Variants in TEAD1 observed in about 807,000 individuals in gnomAD.
TEAD1 encodes the protein transcriptional enhancer factor TEF-1.
A neutral mutation model predicts 54.9 loss-of-function variants in TEAD1; 9 were observed. The ratio of observed to expected loss-of-function variants is 0.16; its 90% CI spans 0.10 to 0.29. The LOEUF is 0.29. TEAD1 is among the 10% of genes least tolerant of loss of function. The probability of loss-of-function intolerance (pLI) is 1.00; values close to 1 mark genes in which losing one functional copy is unlikely to be tolerated. For synonymous variants in TEAD1, 200 were observed against 187.8 expected, an observed-to-expected ratio of 1.07 and a Z score of -0.53; for missense variants, 387 against 535.9, an observed-to-expected ratio of 0.72 and a Z score of 2.74.
chr11:12,758,080 G>A (rs1945020849), intron 2 of TEAD1, among the ~76,000 whole-genome samples: 1 of 152,064 alleles, frequency 6.6e-6, no homozygotes. Context: ...CATGCCTGGA[G>A]GTTCATTCTT....
chr11:12,778,207 T>G (rs1159479140), intron 3 of TEAD1, among the ~76,000 whole-genome samples: 1 of 152,184 alleles, frequency 6.6e-6, no homozygotes, highest in East Asian at 1.9e-4. Flanking sequence ...GTTGATTATA[T>G]TTAATCATGA....
chr11:12,762,380 C>T (rs1198604734), intron 2 of TEAD1, among the ~76,000 whole-genome samples: 2 of 152,114 alleles, frequency 1.3e-5, no homozygotes, highest in East Asian at 1.9e-4. Context: ...ACTCTTAGAT[C>T]GTAACGAAAA....
intron 2 of TEAD1, among the ~76,000 whole-genome samples, chr11:12,712,227 CTTA>C (rs1197934318): frequency 1.3e-5 from 2 of 152,184 alleles, no homozygotes; most frequent in African/African-American, 4.8e-5. Flanking sequence ...ATTTGAGCTT[CTTA>C]TTGGAGCAAA....
chr11:12,794,898 G>A (rs1429144086), intron 3 of TEAD1, among the ~76,000 whole-genome samples: 1 of 152,206 alleles, frequency 6.6e-6, no homozygotes, highest in East Asian at 1.9e-4. Context: ...GACAAGGAAA[G>A]GAAATCCATC....
In TEAD1 at chr11:12,883,037, C is replaced by T; in HGVS notation, c.611C>T (p.Pro204Leu). The change falls in exon 9 of 13, where the codon CCT becomes CTT. Residue 204 changes from proline to leucine, a missense_variant. By Grantham distance (98) the Pro-to-Leu change is moderately conservative (BLOSUM62 -3). This residue lies in a region of TEAD1 where 180 missense variants were observed against 180.6 expected (regional missense o/e 1.00). Transcript: ENST00000527636. ...GCATCGGCCCCAGCTCCCTCAGTCC[C>T]TGCCTGGCAAGGTCGCTCCATTGGC... The T allele has an allele frequency of 1.2e-6, 2 of 1,614,178 alleles. No individual in the cohort carries two copies. Among genetic ancestry groups the T allele is most frequent in the Non-Finnish European group, 1.7e-6 (2 of 1,180,032 alleles).
chr11:12,778,112 A>G (rs539361320), intron 3 of TEAD1, among the ~76,000 whole-genome samples: 1 of 152,210 alleles, frequency 6.6e-6, no homozygotes. Flanking sequence ...AATAGCTACT[A>G]TTATCTTACA....
At chr11:12,893,567 C>T (rs1468653990) in intron 9 of TEAD1, among the ~76,000 whole-genome samples, 7 of 152,302 alleles carry the variant, frequency 4.6e-5, no homozygotes, top group African/African-American at 1.2e-4. Context: ...TTGGCAGGTC[C>T]GCACCCCACG....
intron 2 of TEAD1, among the ~76,000 whole-genome samples, chr11:12,676,694 T>C (rs1297851581): frequency 6.6e-6 from 1 of 152,226 alleles, no homozygotes; most frequent in Non-Finnish European, 1.5e-5. Flanking sequence ...AGGTTTTGAA[T>C]TGTTGAATTT....
At chr11:12,792,630 A>C (rs776820646) in intron 3 of TEAD1, among the ~76,000 whole-genome samples, 1 of 152,188 alleles carries the variant, frequency 6.6e-6, no homozygotes, top group African/African-American at 2.4e-5. Context: ...AACTCTGTGC[A>C]AGTTCCCCAA....
intron 3 of TEAD1, among the ~76,000 whole-genome samples, chr11:12,788,276 A>G (rs780965756): frequency 1.3e-5 from 2 of 151,772 alleles, no homozygotes; most frequent in Non-Finnish European, 2.9e-5. Context: ...AGCTGGGACT[A>G]CAGAGCTACC....
chr11:12,897,466 G>GGA (rs1948334592), intron 9 of TEAD1, among the ~76,000 whole-genome samples: 1 of 152,202 alleles, frequency 6.6e-6, no homozygotes, highest in African/African-American at 2.4e-5. Flanking sequence ...TGAATGAAGG[G>GGA]GAGAGGGTGG....
intron 3 of TEAD1, among the ~76,000 whole-genome samples, chr11:12,791,531 C>T (rs960451805): frequency 6.6e-6 from 1 of 152,124 alleles, no homozygotes; most frequent in African/African-American, 2.4e-5. Flanking sequence ...GGTTTTGTGA[C>T]TAAGATACCT....
chr11:12,675,643 C>T (rs187468128), intron 2 of TEAD1, 82 bp downstream of exon 2: 1 of 152,312 alleles, frequency 6.6e-6, no homozygotes, highest in East Asian at 1.9e-4. Context: ...CACTTCTAGT[C>T]TTTGTTCGTA....
intron 3 of TEAD1, among the ~76,000 whole-genome samples, chr11:12,794,704 C>T (rs570751567): frequency 5.2e-4 from 79 of 152,340 alleles, no homozygotes; most frequent in African/African-American, 4.8e-5. Flanking sequence ...TCATAATGAG[C>T]AGAGCTGCTC....
At chr11:12,902,855 T>C (rs560104779) in intron 10 of TEAD1, among the ~76,000 whole-genome samples, 14 of 152,170 alleles carry the variant, frequency 9.2e-5, no homozygotes, top group Admixed American at 8.5e-4. Flanking sequence ...AGATGGACTT[T>C]CTGCTCCTTT....
rs560196902 is a variant in TEAD1 at position 12,713,875 on chromosome 11, A to G, written c.-55+38314A>G. ...ATCACATCTCCATACTAATGTCCCA[A>G]TATATTTGTTCCTGGCCTCACTTCT... is the stretch of plus-strand genomic sequence containing the variant. On this transcript the variant is annotated intron_variant, in intron 2 of 12. Coordinates refer to ENST00000527636, the MANE Select transcript of TEAD1 (RefSeq NM_021961.6). 6.6e-5 allele frequency among the ~76,000 whole-genome samples: 10 copies of G among 152,220 alleles called. No homozygotes were observed. In the East Asian group the frequency reaches 1.7e-3, roughly 26 times the overall value.
intron 5 of TEAD1, among the ~76,000 whole-genome samples, chr11:12,876,477 C>A (rs576084894): frequency 6.6e-6 from 1 of 152,092 alleles, no homozygotes; most frequent in Non-Finnish European, 1.5e-5. Flanking sequence ...ATTTCAAATA[C>A]GTGGAACTCT....
At chr11:12,742,482 GT>G (rs373440701) in intron 2 of TEAD1, among the ~76,000 whole-genome samples, 78 of 152,238 alleles carry the variant, frequency 5.1e-4, no homozygotes, top group African/African-American at 1.8e-3. Context: ...AGTGTGCAAA[GT>G]TTCTCTTAGG....
intron 3 of TEAD1, among the ~76,000 whole-genome samples, chr11:12,831,335 T>C (rs905291315): frequency 6.6e-6 from 1 of 152,208 alleles, no homozygotes; most frequent in African/African-American, 2.4e-5. Flanking sequence ...CTTCTTTCCC[T>C]GAATTCCCCC....
Sources: allele counts gnomAD v4.1 joint callset (sites outside exome capture counted in the v4.1 genomes callset), GRCh38; gene constraint gnomAD v4.1.1; regional missense constraint gnomAD v4.1.1; transcripts MANE v1.5; gene names NCBI Gene and HGNC (gene_info 2026-07-23, HGNC 2026-07-21).